The following ENOX1 variants were observed in gnomAD, a reference collection of about 807,000 sequenced individuals.
ENOX1 encodes candidate growth-related and time keeping constitutive hydroquinone (NADH) oxidase.
In ENOX1, 42 loss-of-function variants were observed where a neutral mutation model predicts 82.5. That is an observed-to-expected ratio of 0.51 (90% CI 0.40 to 0.66). ENOX1 has a LOEUF of 0.66. Among genes scored for constraint, ENOX1 ranks in the 30% least tolerant of loss-of-function variants. ENOX1 has a pLI of 0.00. For synonymous variants in ENOX1, 271 were observed against 282.2 expected, an observed-to-expected ratio of 0.96 and a Z score of 0.40; for missense variants, 608 against 811.6, an observed-to-expected ratio of 0.75 and a Z score of 3.05.
intron 9 of ENOX1, among the ~76,000 whole-genome samples, chr13:43,333,346 T>A (rs1021741825): frequency 6.6e-6 from 1 of 152,214 alleles, no homozygotes; most frequent in African/African-American, 2.4e-5. Context: ...CCATTCCTGA[T>A]AGATGACAGA....
intron 3 of ENOX1, among the ~76,000 whole-genome samples, chr13:43,426,810 T>C (rs548117546): frequency 6.6e-6 from 1 of 152,266 alleles, no homozygotes; most frequent in African/African-American, 2.4e-5. Context: ...CTTGACAGTG[T>C]CTACTACACA....
chr13:43,238,936 G>T (rs1299733313), intron 14 of ENOX1, among the ~76,000 whole-genome samples: 1 of 152,092 alleles, frequency 6.6e-6, no homozygotes, highest in Non-Finnish European at 1.5e-5. Flanking sequence ...AGCAGAGAAA[G>T]GCAAGGGTGG....
intron 9 of ENOX1, among the ~76,000 whole-genome samples, chr13:43,338,379 T>A (rs960415434): frequency 8.5e-5 from 13 of 152,096 alleles, no homozygotes; most frequent in Admixed American, 7.2e-4. Flanking sequence ...CCTGGGGAAG[T>A]TTCTGGCAAA....
intron 1 of ENOX1, among the ~76,000 whole-genome samples, chr13:43,672,732 CT>C (rs1486660256): frequency 2.0e-5 from 3 of 152,036 alleles, no homozygotes; most frequent in African/African-American, 7.2e-5. Context: ...ATGTTCTAAC[CT>C]TTTCCTCTTA....
intron 2 of ENOX1, among the ~76,000 whole-genome samples, chr13:43,657,510 C>A (rs1430075725): frequency 6.6e-6 from 1 of 152,172 alleles, no homozygotes; most frequent in Non-Finnish European, 1.5e-5. Flanking sequence ...CCTCATGGCT[C>A]TGCTGAGAGG....
intron 2 of ENOX1, among the ~76,000 whole-genome samples, chr13:43,504,366 C>A (rs1479508120): frequency 6.6e-6 from 1 of 151,760 alleles, no homozygotes; most frequent in African/African-American, 2.4e-5. Flanking sequence ...GATTTCTGCA[C>A]TATCATGCTC....
chr13:43,248,429 C>A (rs2043263846), intron 14 of ENOX1, among the ~76,000 whole-genome samples: 1 of 151,312 alleles, frequency 6.6e-6, no homozygotes, highest in Non-Finnish European at 1.5e-5. Context: ...TCCCTAAATA[C>A]ATTTATTGTA....
intron 2 of ENOX1, among the ~76,000 whole-genome samples, chr13:43,601,200 G>A (rs2081702931): frequency 1.3e-5 from 2 of 152,030 alleles, no homozygotes; most frequent in Non-Finnish European, 2.9e-5. Flanking sequence ...AGGCACCAGG[G>A]TTATATCCAG....
At chr13:43,265,298 G>C in intron 14 of ENOX1, 100 bp downstream of exon 14, 1 of 986,750 alleles carries the variant, frequency 1.0e-6, no homozygotes, top group African/African-American at 1.6e-5. Context: ...CTGACAGGCA[G>C]AGCTTCTGAT....
At chr13:43,448,795 G>A (rs1030486322) in intron 3 of ENOX1, among the ~76,000 whole-genome samples, 5 of 152,174 alleles carry the variant, frequency 3.3e-5, no homozygotes, top group Non-Finnish European at 5.9e-5. Context: ...AACCAAGAAA[G>A]CACTTTAACT....
chr13:43,773,540 CCTT>C (rs1464648718), intron 1 of ENOX1, among the ~76,000 whole-genome samples: 8 of 152,182 alleles, frequency 5.3e-5, no homozygotes, highest in Non-Finnish European at 8.8e-5. Flanking sequence ...ACACTGGCCT[CCTT>C]CTGGTTTCTA....
At chr13:43,429,262 C>G (rs2055518923) in intron 3 of ENOX1, among the ~76,000 whole-genome samples, 1 of 152,134 alleles carries the variant, frequency 6.6e-6, no homozygotes, top group African/African-American at 2.4e-5. Flanking sequence ...GCAAAACGGT[C>G]ATATATTTTG....
At chr13:43,324,732 C>T (rs2048010469) in intron 10 of ENOX1, among the ~76,000 whole-genome samples, 1 of 146,264 alleles carries the variant, frequency 6.8e-6, no homozygotes. Flanking sequence ...TCTCCTAGTA[C>T]CAAACAAAGC....
At chr13:43,648,321 A>G (rs2083995826) in intron 2 of ENOX1, among the ~76,000 whole-genome samples, 1 of 152,212 alleles carries the variant, frequency 6.6e-6, no homozygotes, top group South Asian at 2.1e-4. Context: ...TGGGCTACAG[A>G]AAACAACAGT....
chr13:43,630,832 C>T (rs1383239921), intron 2 of ENOX1, among the ~76,000 whole-genome samples: 2 of 140,236 alleles, frequency 1.4e-5, no homozygotes, highest in Non-Finnish European at 3.1e-5. Flanking sequence ...TATATACATA[C>T]AACCACACAC....
At chr13:43,428,690 A>G (rs147648230) in intron 3 of ENOX1, among the ~76,000 whole-genome samples, 94 of 152,260 alleles carry the variant, frequency 6.2e-4, no homozygotes, top group Non-Finnish European at 1.2e-3. Flanking sequence ...AACACGAGCT[A>G]TCTCATCATG....
intron 5 of ENOX1, among the ~76,000 whole-genome samples, chr13:43,374,725 G>A (rs2051498093): frequency 6.6e-6 from 1 of 152,104 alleles, no homozygotes; most frequent in African/African-American, 2.4e-5. Context: ...TAAAAAGCTG[G>A]TCCTCATTAT....
intron 2 of ENOX1, among the ~76,000 whole-genome samples, chr13:43,524,778 G>A (rs891298181): frequency 2.4e-4 from 36 of 152,158 alleles, no homozygotes; most frequent in African/African-American, 8.2e-4. Flanking sequence ...ATTTCAAAGA[G>A]TGCTTCTACA....
rs1157483210 is a variant in ENOX1 at position 43,269,419 on chromosome 13, C to T, written c.1554+51G>A. 2.9e-6 allele frequency: 4 copies of T among 1,358,512 alleles called. No individual in the cohort carries two copies. The Admixed American group carries it at 6.7e-5, about 23-fold the overall frequency. The allele number at this position is 1,358,512 out of a possible 1,614,324, so 84.2% of individuals were successfully genotyped here. ...ACGGGTGACGCACAAGGGAGGTATG[C>T]AATGGGGTGTTTGGACTGATTCATA... is the stretch of plus-strand genomic sequence containing the variant. On this transcript the variant is annotated intron_variant, in intron 13 of 16. Transcript: ENST00000690772.
Sources: gnomAD v4.1 joint callset for allele counts (sites outside exome capture counted in the v4.1 genomes callset) on GRCh38, gnomAD v4.1.1 for gene constraint, MANE v1.5 for transcripts, NCBI Gene and HGNC (gene_info 2026-07-23, HGNC 2026-07-21) for gene names.